Variants in TENM4 observed in about 807,000 individuals in gnomAD.
TENM4 encodes teneurin-4.
A neutral mutation model predicts 243.3 loss-of-function variants in TENM4; 82 were observed. The observed-to-expected ratio is 0.34, with a 90% CI of 0.28 to 0.40. The LOEUF (loss-of-function observed/expected upper bound fraction) is 0.40. TENM4 is among the 10% of genes least tolerant of loss of function. The pLI is 1.00. For missense variants in TENM4, 3,138 were observed against 3,673.3 expected, an observed-to-expected ratio of 0.85 and a Z score of 3.77; for synonymous variants, 1,412 against 1,456.3, an observed-to-expected ratio of 0.97 and a Z score of 0.69.
intron 6 of TENM4, among the ~76,000 whole-genome samples, chr11:78,943,962 G>A (rs569316629): frequency 6.6e-6 from 1 of 152,304 alleles, no homozygotes; most frequent in South Asian, 2.1e-4. Context: ...CAGAGTGCGT[G>A]GTGAGGACTG....
At chr11:79,381,701 G>C (rs932755843) in intron 1 of TENM4, among the ~76,000 whole-genome samples, 1 of 151,468 alleles carries the variant, frequency 6.6e-6, no homozygotes, top group South Asian at 2.1e-4. Flanking sequence ...TGTTTGGCAC[G>C]GTACAAAGCT....
At position 78,669,349 on chromosome 11, in the gene TENM4, A is replaced by C; in HGVS notation, c.6996T>G (p.Ser2332=). ...KVTHLYNHSS[S]EITSLYYDLQ... ...AGTCGTAGTAGAGGGAGGTGATCTC[A>C]GAGCTGGAGTGGTTGTACAGGTGGG... is the stretch of plus-strand genomic sequence containing the variant. The change falls in exon 32 of 34, where the codon TCT becomes TCG. Residue 2332 remains serine, a synonymous_variant. Transcript: ENST00000278550. This position sits in a 1 kb window ranked among gnomAD's most constrained non-coding sequence, Gnocchi z 6.4. 1 of 1,613,806 alleles carries C rather than the reference A, an allele frequency of 6.2e-7. No homozygotes were observed. The highest frequency in any genetic ancestry group is 8.5e-7 in the Non-Finnish European group (1 of 1,179,800).
intron 1 of TENM4, among the ~76,000 whole-genome samples, chr11:79,400,772 A>T (rs1858444523): frequency 6.6e-6 from 1 of 152,192 alleles, no homozygotes; most frequent in Admixed American, 6.5e-5. Flanking sequence ...TGCAATTGTC[A>T]CTTCTATTCT....
Position 78,657,314 on chromosome 11 carries a change from C to T in TENM4, c.*744G>A, listed in dbSNP as rs1318164528. The stretch of plus-strand genomic sequence containing the variant: ...TCTGGGGGAAAGGACCTGGGAGACA[C>T]TTTCTCTATCCCAGCATGGGGGTGG... On this transcript the variant is annotated 3_prime_UTR_variant, in exon 34 of 34. Coordinates refer to ENST00000278550, the MANE Select transcript of TENM4 (RefSeq NM_001098816.3). The T allele has an allele frequency of 5.0e-6, 2 of 397,876 alleles. No homozygotes were observed. The highest frequency in any genetic ancestry group is 8.8e-6 in the Non-Finnish European group (2 of 226,262). The allele number at this position is 397,876 out of a possible 1,614,324, so 24.6% of individuals were successfully genotyped here.
At chr11:79,324,884 G>T (rs1052764648) in intron 1 of TENM4, among the ~76,000 whole-genome samples, 3 of 152,150 alleles carry the variant, frequency 2.0e-5, no homozygotes, top group Non-Finnish European at 4.4e-5. Flanking sequence ...TTATAAATCA[G>T]CTGCTCTGCC....
intron 2 of TENM4, among the ~76,000 whole-genome samples, chr11:79,218,234 A>ACCCCC (rs1555029524): frequency 1.2e-4 from 12 of 96,502 alleles, no homozygotes; most frequent in South Asian, 5.1e-4. Flanking sequence ...CCCCCTGCCC[A>ACCCCC]CCCACCCCCG....
chr11:79,265,349 C>T (rs1855866004), intron 2 of TENM4, among the ~76,000 whole-genome samples: 1 of 152,238 alleles, frequency 6.6e-6, no homozygotes, highest in African/African-American at 2.4e-5. Context: ...CTGTTCAATA[C>T]TGCAGCCATT....
intron 1 of TENM4, among the ~76,000 whole-genome samples, chr11:79,314,664 G>A (rs1856776220): frequency 6.6e-6 from 1 of 152,220 alleles, no homozygotes; most frequent in Non-Finnish European, 1.5e-5. Flanking sequence ...GATGCTTTAT[G>A]GGAGTCTAGG....
At chr11:79,067,994 C>T (rs1860308501) in intron 5 of TENM4, 2 of 152,192 alleles carry the variant, frequency 1.3e-5, no homozygotes, top group Non-Finnish European at 2.9e-5. Flanking sequence ...ACATGCCTGC[C>T]TATGAGATGA....
At chr11:79,275,246 TGTGTGCGC>T (rs1172140863) in intron 2 of TENM4, among the ~76,000 whole-genome samples, 78 of 152,058 alleles carry the variant, frequency 5.1e-4, no homozygotes, top group African/African-American at 1.8e-3. Context: ...TGTGTGTCTG[TGTGTGCGC>T]GCGCATGCGG....
At chr11:79,313,016 C>T (rs894753277) in intron 1 of TENM4, among the ~76,000 whole-genome samples, 2 of 152,184 alleles carry the variant, frequency 1.3e-5, no homozygotes, top group South Asian at 4.1e-4. Context: ...AACCCCATCC[C>T]TAGTCACTGT....
chr11:78,663,596 A>C (rs1217220949), intron 32 of TENM4, among the ~76,000 whole-genome samples: 1 of 152,046 alleles, frequency 6.6e-6, no homozygotes, highest in Non-Finnish European at 1.5e-5. Context: ...TTCCGCTACG[A>C]GTAAAAGCTT....
intron 4 of TENM4, chr11:79,096,207 T>A (rs1303072524): frequency 6.6e-6 from 1 of 152,144 alleles, no homozygotes; most frequent in African/African-American, 2.4e-5. Flanking sequence ...GTGCTGAGGA[T>A]CATTCCCAGG....
chr11:79,325,747 C>G (rs1856964674), intron 1 of TENM4, among the ~76,000 whole-genome samples: 1 of 152,190 alleles, frequency 6.6e-6, no homozygotes, highest in Non-Finnish European at 1.5e-5. Flanking sequence ...TTATAATTCA[C>G]TGGGTCAAAG....
At chr11:78,819,172 A>G (rs916524569) in intron 12 of TENM4, among the ~76,000 whole-genome samples, 4 of 152,196 alleles carry the variant, frequency 2.6e-5, no homozygotes, top group African/African-American at 9.6e-5. Context: ...CAGTGGAGAC[A>G]TGAGAGTCAG....
chr11:79,393,228 C>G (rs544264591), intron 1 of TENM4, among the ~76,000 whole-genome samples: 1 of 152,188 alleles, frequency 6.6e-6, no homozygotes, highest in Non-Finnish European at 1.5e-5. Context: ...TAAGAGGAGT[C>G]TCAGAGATCC....
At chr11:79,006,952 G>A (rs568831632) in intron 6 of TENM4, among the ~76,000 whole-genome samples, 1 of 152,306 alleles carries the variant, frequency 6.6e-6, no homozygotes, top group African/African-American at 2.4e-5. Context: ...CCTCCTTCAT[G>A]TAGGTGGCCT....
chr11:79,082,010 A>G (rs1860688211), intron 4 of TENM4, among the ~76,000 whole-genome samples: 1 of 152,174 alleles, frequency 6.6e-6, no homozygotes, highest in Non-Finnish European at 1.5e-5. Context: ...ATCATCTGTT[A>G]GGAAAATGCC....
rs1862165377 is a variant in TENM4 at position 79,138,468 on chromosome 11, T to C, written c.-66+10242A>G. On this transcript the variant is annotated intron_variant, in intron 4 of 33. Transcript: ENST00000278550. ...TATTTATATATAATATATTTTAATA[T>C]ATTATATACAAATAATATATATTTA... Among the ~76,000 whole-genome samples the C allele has an allele frequency of 6.0e-5, 7 of 117,324 alleles. 1 individual carries two copies. The Admixed American group carries it at 7.6e-4, about 13-fold the overall frequency. The allele number at this position is 117,324 out of a possible 152,430, so 77.0% of individuals were successfully genotyped here. A position where few individuals can be genotyped will look rare whatever the true frequency, so the allele number is the denominator to read the frequency against.
Sources: allele counts gnomAD v4.1 joint callset (sites outside exome capture counted in the v4.1 genomes callset), GRCh38; gene constraint gnomAD v4.1.1; non-coding constraint Gnocchi (gnomAD v3.1); transcripts MANE v1.5; gene names NCBI Gene and HGNC (gene_info 2026-07-23, HGNC 2026-07-21).